Variants in LRRK1 observed in about 807,000 individuals in gnomAD.
The protein encoded by LRRK1 is leucine rich repeat kinase 1.
In LRRK1, 113 loss-of-function variants were observed where a neutral mutation model predicts 209.1. The observed-to-expected ratio is 0.54, with a 90% CI of 0.46 to 0.63. The LOEUF (loss-of-function observed/expected upper bound fraction) is 0.63, where lower values mean the gene tolerates loss of function less well. LRRK1 is among the 30% of genes least tolerant of loss of function. LRRK1 has a pLI of 0.00. For synonymous variants in LRRK1, 1,144 were observed against 1,099.7 expected (o/e 1.04, Z -0.80); for missense variants, 2,284 against 2,632.2 (o/e 0.87, Z 2.89).
chr15:101,064,965 G>GA (rs1403397928), intron 31 of LRRK1: 1 of 250,656 alleles, frequency 4.0e-6, no homozygotes, highest in African/African-American at 2.2e-5. Flanking sequence ...AAAGGGCGGG[G>GA]GCACCAGGTC....
intron 2 of LRRK1, among the ~76,000 whole-genome samples, chr15:100,932,357 A>T (rs148902092): frequency 6.6e-6 from 1 of 152,186 alleles, no homozygotes; most frequent in Admixed American, 6.5e-5. Context: ...CTGGTTTTAC[A>T]TGCATATTCA....
chr15:100,962,824 T>TACATATATATATATATACATATATATA (rs1555461505), intron 2 of LRRK1, among the ~76,000 whole-genome samples: 5 of 8,438 alleles, frequency 5.9e-4, no homozygotes, highest in Admixed American at 2.4e-3. Context: ...TATATATATA[T>TACATATATATATATATACATATATATA]TTTTTTTTTT....
At chr15:100,972,335 T>TGAGAGA (rs747771078) in intron 2 of LRRK1, among the ~76,000 whole-genome samples, 5 of 106,132 alleles carry the variant, frequency 4.7e-5, no homozygotes, top group African/African-American at 9.4e-5. Context: ...TATATATATA[T>TGAGAGA]GAGAGAGAGA....
chr15:101,058,446 G>A (rs1282146412), intron 29 of LRRK1, among the ~76,000 whole-genome samples: 1 of 152,184 alleles, frequency 6.6e-6, no homozygotes, highest in African/African-American at 2.4e-5. Context: ...GCTGAGGCAG[G>A]AGAATCACCT....
intron 2 of LRRK1, among the ~76,000 whole-genome samples, chr15:100,956,938 C>T (rs1490264183): frequency 2.0e-5 from 3 of 152,148 alleles, no homozygotes; most frequent in Admixed American, 6.5e-5. Context: ...TGGCTGTCAA[C>T]TTTCATCTTA....
In LRRK1 at chr15:101,051,724, A is replaced by G; in HGVS notation, c.3453A>G (p.Thr1151=). Residue 1151 remains threonine, a synonymous_variant, in exon 24 of 34, where the codon ACA becomes ACG. Transcript: ENST00000388948. Reference sequence around the variant, plus strand: ...GTCCTTATTTAGCCCTGACAGCCACAGAGAGCGACGGGACGCCACTCATGG... The same window carrying G: ...GTCCTTATTTAGCCCTGACAGCCACGGAGAGCGACGGGACGCCACTCATGG... ...IDQWFPALTA[T]ESDGTPLMEQ... The G allele has an allele frequency of 1.2e-6, 2 of 1,613,796 alleles. No individual in the cohort carries two copies. Among genetic ancestry groups the G allele is most frequent in the African/African-American group, 1.3e-5 (1 of 75,048 alleles).
At position 101,022,307 on chromosome 15, in the gene LRRK1, A is replaced by G. The variant is rs2033831504; in HGVS notation, c.1853-76A>G. The G allele has an allele frequency of 1.4e-6, 2 of 1,394,394 alleles. No homozygotes were observed. Among genetic ancestry groups the G allele is most frequent in the Middle Eastern group, 1.8e-4 (1 of 5,494 alleles). The allele number at this position is 1,394,394 out of a possible 1,614,324, so 86.4% of individuals were successfully genotyped here. A position where few individuals can be genotyped will look rare whatever the true frequency, so the allele number is the denominator to read the frequency against. On this transcript the variant is annotated intron_variant, in intron 14 of 33. Coordinates refer to ENST00000388948, the MANE Select transcript of LRRK1 (RefSeq NM_024652.6). The surrounding 1 kb of genome is among the most constrained non-coding windows in gnomAD (Gnocchi z 4.0). ...TAAAACACAAAGAAGGAGTTCCTTC[A>G]CAACAGGATTTTGTGTCCTAAGAGA...
intron 2 of LRRK1, among the ~76,000 whole-genome samples, chr15:100,956,455 C>CTTTTTCTTTTTTTTTTT: frequency 2.1e-4 from 13 of 60,504 alleles, no homozygotes; most frequent in African/African-American, 4.3e-4. Flanking sequence ...TTTTTTTTTT[C>CTTTTTCTTTTTTTTTTT]TTTTTTTTTT....
At chr15:100,949,557 C>T (rs934621204) in intron 2 of LRRK1, among the ~76,000 whole-genome samples, 1 of 152,102 alleles carries the variant, frequency 6.6e-6, no homozygotes, top group Non-Finnish European at 1.5e-5. Flanking sequence ...AAGCCAAAAC[C>T]AGAAAAAGAT....
chr15:100,945,482 C>CTTTTTTTTTTTTTTT (rs34038990), intron 2 of LRRK1, among the ~76,000 whole-genome samples: 2 of 63,572 alleles, frequency 3.1e-5, no homozygotes, highest in Non-Finnish European at 2.9e-5. Flanking sequence ...TGCAGAGCCT[C>CTTTTTTTTTTTTTTT]TTTTTTTTTT....
chr15:100,943,613 CT>C (rs75629177), intron 2 of LRRK1, among the ~76,000 whole-genome samples: 7,652 of 131,560 alleles, frequency 0.058, 327 homozygotes, highest in African/African-American at 0.14. Flanking sequence ...TTACTTGGTT[CT>C]TTTTTTTTTT....
At chr15:101,019,600 TG>T (rs1182454922) in intron 12 of LRRK1, among the ~76,000 whole-genome samples, 1 of 152,160 alleles carries the variant, frequency 6.6e-6, no homozygotes, top group Non-Finnish European at 1.5e-5. Context: ...CCATTGTTAT[TG>T]CAGCTACATG....
At chr15:100,987,518 T>A (rs2031936876) in intron 4 of LRRK1, among the ~76,000 whole-genome samples, 1 of 152,204 alleles carries the variant, frequency 6.6e-6, no homozygotes, top group Non-Finnish European at 1.5e-5. Context: ...AATTGTCACT[T>A]TTAGGCCTGA....
At chr15:101,001,408 C>T (rs935819051) in intron 6 of LRRK1, among the ~76,000 whole-genome samples, 1 of 152,190 alleles carries the variant, frequency 6.6e-6, no homozygotes, top group Non-Finnish European at 1.5e-5. Flanking sequence ...CTGCTCTGAG[C>T]ATCTTTGTTT....
intron 7 of LRRK1, among the ~76,000 whole-genome samples, chr15:101,009,788 G>A (rs370020459): frequency 8.6e-5 from 13 of 151,890 alleles, no homozygotes; most frequent in South Asian, 2.1e-4. Context: ...GGGTTTCACC[G>A]TGTTGGCCAG....
intron 2 of LRRK1, among the ~76,000 whole-genome samples, chr15:100,937,378 T>G (rs1322285118): frequency 2.0e-5 from 3 of 152,072 alleles, no homozygotes; most frequent in Admixed American, 1.3e-4. Flanking sequence ...TTAGTTCCCC[T>G]TTTTTATTGG....
chr15:100,998,095 C>T (rs1476760388), intron 6 of LRRK1, among the ~76,000 whole-genome samples: 3 of 151,386 alleles, frequency 2.0e-5, no homozygotes, highest in Non-Finnish European at 2.9e-5. Flanking sequence ...ACAGGAGAAT[C>T]GCTTGAAACT....
intron 2 of LRRK1, among the ~76,000 whole-genome samples, chr15:100,954,229 A>G (rs2042710873): frequency 6.6e-6 from 1 of 152,026 alleles, no homozygotes; most frequent in Non-Finnish European, 1.5e-5. Flanking sequence ...CATGTTTTTA[A>G]TTTCCATTTC....
intron 2 of LRRK1, among the ~76,000 whole-genome samples, chr15:100,941,422 GTGTGTC>G: frequency 9.8e-6 from 1 of 102,360 alleles, no homozygotes; most frequent in Non-Finnish European, 1.9e-5. Context: ...CTGTGTGTGT[GTGTGTC>G]TGTGTGTGTG....
Sources: gnomAD v4.1 joint callset for allele counts (sites outside exome capture counted in the v4.1 genomes callset) on GRCh38, gnomAD v4.1.1 for gene constraint, Gnocchi (gnomAD v3.1) non-coding constraint, MANE v1.5 for transcripts, NCBI Gene and HGNC (gene_info 2026-07-23, HGNC 2026-07-21) for gene names.